The following OGDH variants were observed in gnomAD, a reference collection of about 807,000 sequenced individuals.
OGDH encodes the protein oxoglutarate dehydrogenase, also known as 2-oxoglutarate dehydrogenase complex component E1.
In OGDH, 38 loss-of-function variants were observed where a neutral mutation model predicts 116.6. The ratio of observed to expected loss-of-function variants is 0.33; its 90% CI spans 0.25 to 0.43. The LOEUF is 0.43. OGDH is among the 20% of genes least tolerant of loss of function. The pLI is 1.00. For missense variants in OGDH, 825 were observed against 1,357.2 expected (o/e 0.61, Z 6.16); for synonymous variants, 488 against 533.3 (o/e 0.92, Z 1.17).
At position 44,708,061 on chromosome 7, in the gene OGDH, CAACTA is replaced by C; in HGVS notation, c.*65_*69del. 2 of 1,575,718 alleles carry C rather than the reference CAACTA, an allele frequency of 1.3e-6. No homozygotes were observed. The highest frequency in any genetic ancestry group is 1.7e-6 in the Non-Finnish European group (2 of 1,164,926). On this transcript the variant is annotated 3_prime_UTR_variant, in exon 23 of 23. Coordinates refer to ENST00000222673, the MANE Select transcript of OGDH (RefSeq NM_002541.4). ...ACACCCATGACTGCCCCTTGCTTCTCAACTAAAGAATAGTGCCTCAGCGCTGCCCA... is the reference window on the plus strand; with the variant it reads ...ACACCCATGACTGCCCCTTGCTTCTCAAGAATAGTGCCTCAGCGCTGCCCA...
chr7:44,653,580 G>T (rs1786547536), intron 4 of OGDH, among the ~76,000 whole-genome samples: 1 of 152,210 alleles, frequency 6.6e-6, no homozygotes, highest in South Asian at 2.1e-4. Flanking sequence ...AGGCTGGAAT[G>T]CAGTGGCACG....
At chr7:44,623,706 T>C (rs919823835) in intron 1 of OGDH, among the ~76,000 whole-genome samples, 3 of 152,260 alleles carry the variant, frequency 2.0e-5, no homozygotes, top group African/African-American at 7.2e-5. Flanking sequence ...AGTGCAGTGG[T>C]GCAATCTCGG....
At position 44,615,560 on chromosome 7, in the gene OGDH, G is replaced by A. The variant is rs906438673; in HGVS notation, c.-27-8757G>A. 5.9e-5 allele frequency among the ~76,000 whole-genome samples: 9 copies of A among 152,166 alleles called. No individual in the cohort carries two copies. The South Asian group carries it at 8.3e-4, about 14-fold the overall frequency. On this transcript the variant is annotated intron_variant, in intron 1 of 22. Coordinates refer to ENST00000222673, the MANE Select transcript of OGDH (RefSeq NM_002541.4). The stretch of plus-strand genomic sequence containing the variant: ...AGGATATTTCCTGTGGAATTTGGCC[G>A]CAGTAGAGCAATTGTTGTTTAAAAC...
chr7:44,668,445 C>CAA (rs142889667), intron 5 of OGDH, among the ~76,000 whole-genome samples: 4 of 150,808 alleles, frequency 2.7e-5, no homozygotes, highest in South Asian at 2.1e-4. Flanking sequence ...CAAAAACAAA[C>CAA]AAAAAAAAAC....
chr7:44,616,782 TGC>T (rs1441700806), intron 1 of OGDH, among the ~76,000 whole-genome samples: 17 of 142,362 alleles, frequency 1.2e-4, no homozygotes, highest in South Asian at 2.2e-4. Context: ...TATGTGTATA[TGC>T]ATATATATAT....
intron 9 of OGDH, 173 bp downstream of exon 9, chr7:44,676,322 G>A (rs1787691962): frequency 1.3e-5 from 19 of 1,416,884 alleles, no homozygotes; most frequent in Admixed American, 8.6e-5. Flanking sequence ...TTGGGAGGCC[G>A]AGGTGGGCAG....
chr7:44,696,227 A>C, intron 13 of OGDH, 100 bp downstream of exon 13: 2 of 1,055,516 alleles, frequency 1.9e-6, no homozygotes, highest in Non-Finnish European at 2.9e-6. Flanking sequence ...CTTTGTACCC[A>C]CAATGCACAG....
At chr7:44,693,765 C>G (rs971496658) in intron 10 of OGDH, 60 bp from the exon 11 acceptor site, 2 of 1,492,916 alleles carry the variant, frequency 1.3e-6, no homozygotes, top group Admixed American at 3.9e-5. Context: ...CAGCCCCGCC[C>G]TCTGGTCCCT....
Position 44,699,425 on chromosome 7 carries a change from CAAAAAAAA to C in OGDH, c.2431-699_2431-692del, listed in dbSNP as rs59695480. Among the ~76,000 whole-genome samples, 4 of 67,722 alleles carry C rather than the reference CAAAAAAAA, an allele frequency of 5.9e-5. No homozygotes were observed. The East Asian group carries it at 1.4e-3, about 23-fold the overall frequency. 44.4% of individuals were successfully genotyped at this position (67,722 alleles called of 152,430 possible). ...AGGCGACAGAGGGAGACTCCTGTCT[CAAAAAAAA>C]AAAAAAAAAAAAAAAACTCAAAGAA... On this transcript the variant is annotated intron_variant, in intron 18 of 22. Transcript: ENST00000222673.
intron 3 of OGDH, 56 bp from the exon 4 acceptor site, chr7:44,647,601 T>G: frequency 6.3e-7 from 1 of 1,591,660 alleles, no homozygotes; most frequent in Non-Finnish European, 8.6e-7. Context: ...TTCCCTCTTT[T>G]TTTTTCTTCT....
At chr7:44,625,110 GGTTT>G (rs1785152841) in intron 2 of OGDH, among the ~76,000 whole-genome samples, 1 of 151,414 alleles carries the variant, frequency 6.6e-6, no homozygotes, top group Admixed American at 6.6e-5. Context: ...TGTTTTTTTT[GGTTT>G]GTTTTTGTTT....
At chr7:44,664,717 G>T (rs1464419652) in intron 4 of OGDH, among the ~76,000 whole-genome samples, 5 of 152,028 alleles carry the variant, frequency 3.3e-5, no homozygotes, top group Non-Finnish European at 7.4e-5. Flanking sequence ...ATTTTTAGTT[G>T]TACTTATTGG....
At chr7:44,701,660 T>C in intron 20 of OGDH, 45 bp downstream of exon 20, 1 of 1,541,734 alleles carries the variant, frequency 6.5e-7, no homozygotes, top group Non-Finnish European at 9.0e-7. Flanking sequence ...AAGCTATGTT[T>C]GGGGCTTCTT....
At chr7:44,699,010 G>C (rs1321814703) in intron 18 of OGDH, among the ~76,000 whole-genome samples, 2 of 151,724 alleles carry the variant, frequency 1.3e-5, no homozygotes, top group African/African-American at 4.8e-5. Flanking sequence ...TGGGCATGGT[G>C]GCGCCCACCT....
At position 44,658,521 on chromosome 7, in the gene OGDH, G is replaced by A. The variant is rs953577476; in HGVS notation, c.518-8215G>A. Reference sequence around the variant, plus strand: ...CAGTCATGTCATCTGAAAATAGGAAGTTATTTCATCCTTCCCAATCTGTGT... The same window carrying A: ...CAGTCATGTCATCTGAAAATAGGAAATTATTTCATCCTTCCCAATCTGTGT... On this transcript the variant is annotated intron_variant, in intron 4 of 22. Transcript: ENST00000222673. Among the ~76,000 whole-genome samples, 5 of 149,208 alleles carry A rather than the reference G, an allele frequency of 3.4e-5. No homozygotes were observed. The South Asian group carries it at 1.1e-3, about 31-fold the overall frequency.
intron 10 of OGDH, among the ~76,000 whole-genome samples, chr7:44,687,233 G>T (rs1004011519): frequency 6.6e-6 from 1 of 150,912 alleles, no homozygotes; most frequent in South Asian, 2.1e-4. Flanking sequence ...GAGTAGCCGG[G>T]ACTACAGGCG....
chr7:44,693,369 A>C (rs1788446933), intron 10 of OGDH, among the ~76,000 whole-genome samples: 1 of 152,110 alleles, frequency 6.6e-6, no homozygotes, highest in Admixed American at 6.6e-5. Context: ...CACTTCGGGA[A>C]GCCGAGACAG....
intron 2 of OGDH, among the ~76,000 whole-genome samples, chr7:44,644,038 C>T (rs1349528453): frequency 2.6e-5 from 4 of 152,304 alleles, no homozygotes; most frequent in African/African-American, 9.6e-5. Context: ...AAAACCCCAT[C>T]TCTACTAAAA....
At position 44,653,253 on chromosome 7, in the gene OGDH, C is replaced by T. The variant is rs145792656; in HGVS notation, c.517+5494C>T. 5.2e-3 allele frequency among the ~76,000 whole-genome samples: 783 copies of T among 152,010 alleles called. 2 individuals are homozygous for T. Among genetic ancestry groups the T allele is most frequent in the African/African-American group, 0.018 (747 of 41,442 alleles). On this transcript the variant is annotated intron_variant, in intron 4 of 22. Coordinates refer to ENST00000222673, the MANE Select transcript of OGDH (RefSeq NM_002541.4). Reference sequence around the variant, plus strand: ...GATTACAGATGTGCACCACCATGCCCGGCTAATTTTTGTATTTTTAGTAGA... The same window carrying T: ...GATTACAGATGTGCACCACCATGCCTGGCTAATTTTTGTATTTTTAGTAGA...
Sources: gnomAD v4.1 joint callset for allele counts (sites outside exome capture counted in the v4.1 genomes callset) on GRCh38, gnomAD v4.1.1 for gene constraint, MANE v1.5 for transcripts, NCBI Gene and HGNC (gene_info 2026-07-23, HGNC 2026-07-21) for gene names.